CCDC30: variants seen among roughly 807,000 people sequenced by gnomAD.
CCDC30 encodes the protein coiled-coil domain containing 30.
In CCDC30, 70 loss-of-function variants were observed where a neutral mutation model predicts 100.2. The observed-to-expected ratio is 0.70, with a 90% CI of 0.58 to 0.85. CCDC30 has a LOEUF of 0.85. CCDC30 is among the 40% of genes least tolerant of loss of function. The pLI is 0.00. For synonymous variants in CCDC30, 233 were observed against 269.5 expected (o/e 0.86, Z 1.33); for missense variants, 652 against 771.2 (o/e 0.85, Z 1.83).
intron 6 of CCDC30, among the ~76,000 whole-genome samples, chr1:42,524,711 G>A (rs1291740272): frequency 6.6e-6 from 1 of 152,174 alleles, no homozygotes; most frequent in Non-Finnish European, 1.5e-5. Flanking sequence ...GTGGAGGAGA[G>A]GAGATGGCTG....
intron 6 of CCDC30, among the ~76,000 whole-genome samples, chr1:42,552,746 C>CCCGGGG (rs1645279389): frequency 6.6e-6 from 1 of 152,074 alleles, no homozygotes; most frequent in Admixed American, 6.6e-5. Flanking sequence ...GACTTCTCTC[C>CCCGGGG]CCGGGGCCGC....
At chr1:42,491,526 A>C (rs1181182042) in intron 4 of CCDC30, among the ~76,000 whole-genome samples, 2 of 152,158 alleles carry the variant, frequency 1.3e-5, no homozygotes, top group Non-Finnish European at 2.9e-5. Flanking sequence ...AAAAGAAAGA[A>C]TAAGACCTAG....
intron 4 of CCDC30, among the ~76,000 whole-genome samples, chr1:42,494,468 CCAAAAGCAATGGCAA>C (rs1644197444): frequency 2.0e-5 from 3 of 152,094 alleles, no homozygotes; most frequent in African/African-American, 7.2e-5. Context: ...GTCTAAAACA[CCAAAAGCAATGGCAA>C]CAAAAGCCAA....
chr1:42,577,929 C>G (rs12140968), intron 8 of CCDC30, among the ~76,000 whole-genome samples: 1 of 151,946 alleles, frequency 6.6e-6, no homozygotes, highest in Non-Finnish European at 1.5e-5. Context: ...CATGAGCCAC[C>G]GCGCCTGGCC....
chr1:42,588,968 C>T (rs1646130100), intron 9 of CCDC30, among the ~76,000 whole-genome samples: 1 of 152,080 alleles, frequency 6.6e-6, no homozygotes, highest in South Asian at 2.1e-4. Context: ...ACCTTGAACC[C>T]AGAAGATGAA....
intron 6 of CCDC30, chr1:42,534,821 T>G (rs571637312): frequency 2.0e-5 from 3 of 152,150 alleles, no homozygotes; most frequent in Admixed American, 6.5e-5. Flanking sequence ...CAGAAGAAGA[T>G]GCTTAAGAAA....
chr1:42,567,108 T>A (rs539189638), intron 7 of CCDC30, among the ~76,000 whole-genome samples: 50 of 152,294 alleles, frequency 3.3e-4, no homozygotes, highest in African/African-American at 1.1e-3. Context: ...AATTCAACAT[T>A]CAATATTCAT....
intron 6 of CCDC30, among the ~76,000 whole-genome samples, chr1:42,514,906 G>A (rs1644532211): frequency 6.6e-6 from 1 of 152,100 alleles, no homozygotes; most frequent in Non-Finnish European, 1.5e-5. Context: ...ACACACCTTG[G>A]CCTCCCAAAG....
chr1:42,623,537 T>A (rs1646878810), intron 11 of CCDC30, among the ~76,000 whole-genome samples: 1 of 152,216 alleles, frequency 6.6e-6, no homozygotes, highest in African/African-American at 2.4e-5. Context: ...CAAAATGAGT[T>A]CACTGTAGGT....
At position 42,555,210 on chromosome 1, in the gene CCDC30, T is replaced by G. The variant is rs145634129; in HGVS notation, c.457-11086T>G. On this transcript the variant is annotated intron_variant, in intron 6 of 16. Transcript: ENST00000668663. ...ATCCAAATAATATTTCTAAAGCACCTTCTCTCTTTTGCTTCGGGGTTTTAC... is the reference window on the plus strand; with the variant it reads ...ATCCAAATAATATTTCTAAAGCACCGTCTCTCTTTTGCTTCGGGGTTTTAC... Among the ~76,000 whole-genome samples the G allele has an allele frequency of 7.4e-3, 1,129 of 152,326 alleles. 22 individuals carry two copies. The highest frequency in any genetic ancestry group is 0.026 in the African/African-American group (1,083 of 41,572).
At chr1:42,592,742 A>T (rs1646211339) in intron 10 of CCDC30, 1 of 152,042 alleles carries the variant, frequency 6.6e-6, no homozygotes. Flanking sequence ...TAAAACTTAA[A>T]ATATAAATAA....
chr1:42,607,707 G>C (rs771839220), intron 10 of CCDC30, among the ~76,000 whole-genome samples: 1 of 152,006 alleles, frequency 6.6e-6, no homozygotes, highest in Non-Finnish European at 1.5e-5. Flanking sequence ...CAGTGAACAC[G>C]GATTTAAAGC....
chr1:42,653,296 T>C lies in CCDC30; in HGVS notation c.1855-80T>C, dbSNP rs1023998648. 2.4e-5 allele frequency: 17 copies of C among 711,604 alleles called. No homozygotes were observed. In the Admixed American group the frequency reaches 3.7e-4, roughly 15 times the overall value. 44.1% of individuals were successfully genotyped at this position (711,604 alleles called of 1,614,324 possible). ...CTATGTGCAGGTATTGTATCTATTA[T>C]ATATATATTTTTTTCTAGGATCATA... On this transcript the variant is annotated intron_variant, in intron 15 of 16. Transcript: ENST00000668663.
intron 4 of CCDC30, chr1:42,492,020 A>G: frequency 1.7e-6 from 1 of 576,936 alleles, no homozygotes; most frequent in Non-Finnish European, 3.1e-6. Context: ...TTCAGGAAAA[A>G]AACTAACTTC....
At chr1:42,475,798 T>G (rs998194029) in intron 1 of CCDC30, among the ~76,000 whole-genome samples, 2 of 152,126 alleles carry the variant, frequency 1.3e-5, no homozygotes, top group Non-Finnish European at 1.5e-5. Context: ...AGAGATCATG[T>G]CCTAGTTTTA....
chr1:42,472,379 T>A (rs968035743), intron 1 of CCDC30, among the ~76,000 whole-genome samples: 2 of 152,128 alleles, frequency 1.3e-5, no homozygotes, highest in Admixed American at 6.5e-5. Context: ...CCTAAAAAAA[T>A]TGATATTGAT....
chr1:42,557,741 A>T (rs965272799), intron 6 of CCDC30, among the ~76,000 whole-genome samples: 27 of 148,934 alleles, frequency 1.8e-4, no homozygotes, highest in African/African-American at 6.3e-4. Context: ...TTAAAATTTT[A>T]AAATATTAAA....
At chr1:42,617,518 G>T (rs1368289248) in intron 11 of CCDC30, among the ~76,000 whole-genome samples, 1 of 152,184 alleles carries the variant, frequency 6.6e-6, no homozygotes, top group Non-Finnish European at 1.5e-5. Context: ...TGCAGAGTCA[G>T]CTGTATGGGA....
rs1307897337 is a variant in CCDC30, at chr1:42,596,725, G to A, written c.1164+7242G>A. 2.8e-5 allele frequency among the ~76,000 whole-genome samples: 4 copies of A among 142,004 alleles called. No homozygotes were observed. The highest frequency in any genetic ancestry group is 4.0e-4 in the East Asian group (2 of 4,964). 93.2% of individuals were successfully genotyped at this position (142,004 alleles called of 152,430 possible). On this transcript the variant is annotated intron_variant, in intron 10 of 16. Transcript: ENST00000668663. This position sits in a 1 kb window ranked among gnomAD's most constrained non-coding sequence, Gnocchi z 4.3. Reference sequence around the variant, plus strand: ...CTATCAAGAAAAAATTACAAGACACGCTAAAAGGCAAAAAAACAAACAAAC... The same window carrying A: ...CTATCAAGAAAAAATTACAAGACACACTAAAAGGCAAAAAAACAAACAAAC...
Sources: gnomAD v4.1 joint callset for allele counts (sites outside exome capture counted in the v4.1 genomes callset) on GRCh38, gnomAD v4.1.1 for gene constraint, Gnocchi (gnomAD v3.1) non-coding constraint, MANE v1.5 for transcripts, NCBI Gene and HGNC (gene_info 2026-07-23, HGNC 2026-07-21) for gene names.